Variants in ERMP1 observed in about 807,000 individuals in gnomAD.
ERMP1 encodes Felix-ina.
In ERMP1, 86 loss-of-function variants were observed where a neutral mutation model predicts 92.0. That is an observed-to-expected ratio of 0.93 (90% CI 0.79 to 1.12). ERMP1 has a LOEUF of 1.12. Ranked by LOEUF, ERMP1 falls within the 50% of genes most tolerant of loss-of-function variation. ERMP1 has a pLI of 0.00. For missense variants in ERMP1, 1,342 were observed against 1,116.3 expected (o/e 1.20, Z -2.88); for synonymous variants, 530 against 412.8 (o/e 1.28, Z -3.44).
intron 10 of ERMP1, among the ~76,000 whole-genome samples, chr9:5,802,029 A>C (rs778844158): frequency 7.9e-5 from 12 of 152,232 alleles, no homozygotes; most frequent in Non-Finnish European, 1.8e-4. Context: ...GTATGTCCAC[A>C]GATCCCTTAC....
intron 4 of ERMP1, among the ~76,000 whole-genome samples, chr9:5,822,200 C>A (rs1361378522): frequency 6.6e-6 from 1 of 151,620 alleles, no homozygotes. Context: ...TGCAGTGAGC[C>A]GAGATCATAC....
At chr9:5,809,060 C>T (rs921272886) in intron 8 of ERMP1, among the ~76,000 whole-genome samples, 47 of 152,150 alleles carry the variant, frequency 3.1e-4, no homozygotes, top group Admixed American at 4.6e-4. Flanking sequence ...ATCTCGCTGT[C>T]GCCCCAGCTG....
rs771720164 is a variant in ERMP1 at position 5,786,783 on chromosome 9, T to C, written c.*361A>G. On this transcript the variant is annotated 3_prime_UTR_variant, in exon 15 of 15. Transcript: ENST00000339450. ...TTTGGGGCTTAAATTGGAAACAACT[T>C]TTGTCTCATTAACAATGCTCTGACA... 5 of 168,960 alleles carry C rather than the reference T, an allele frequency of 3.0e-5. No homozygotes were observed. Among genetic ancestry groups the C allele is most frequent in the Admixed American group, 1.7e-4 (3 of 17,694 alleles). The allele number at this position is 168,960 out of a possible 1,614,324, so 10.5% of individuals were successfully genotyped here.
At position 5,785,203 on chromosome 9, in the gene ERMP1, C is replaced by A. The variant is rs1420610162; in HGVS notation, c.*1941G>T. 6.6e-6 allele frequency: 1 copy of A among 151,962 alleles called. No individual in the cohort carries two copies. The highest frequency in any genetic ancestry group is 1.5e-5 in the Non-Finnish European group (1 of 67,992). The allele number at this position is 151,962 out of a possible 1,614,324, so 9.4% of individuals were successfully genotyped here. A position where few individuals can be genotyped will look rare whatever the true frequency, so the allele number is the denominator to read the frequency against. On this transcript the variant is annotated 3_prime_UTR_variant, in exon 15 of 15. Coordinates refer to ENST00000339450, the MANE Select transcript of ERMP1 (RefSeq NM_024896.3). ...TTTACACAGGGAAATAACCCTAAGG[C>A]AATATGAAAACAGTCATAATTTATT...
At chr9:5,851,930 T>A (rs1051616335) in intron 6 of ERMP1, among the ~76,000 whole-genome samples, 4 of 152,228 alleles carry the variant, frequency 2.6e-5, no homozygotes, top group African/African-American at 9.6e-5. Flanking sequence ...CAAGTCATTT[T>A]TTCTGCCATT....
intron 13 of ERMP1, among the ~76,000 whole-genome samples, chr9:5,789,429 A>C (rs1020368881): frequency 2.0e-5 from 3 of 152,246 alleles, no homozygotes; most frequent in African/African-American, 4.8e-5. Flanking sequence ...TCCTTCAACT[A>C]TCAGGATTAC....
intron 4 of ERMP1, among the ~76,000 whole-genome samples, chr9:5,819,030 T>G (rs1000717913): frequency 6.6e-6 from 1 of 152,344 alleles, no homozygotes; most frequent in South Asian, 2.1e-4. Flanking sequence ...TAAAAAGCTA[T>G]GCATAAATTT....
At chr9:5,796,189 T>A (rs570208513) in intron 13 of ERMP1, among the ~76,000 whole-genome samples, 2 of 152,354 alleles carry the variant, frequency 1.3e-5, no homozygotes, top group East Asian at 3.9e-4. Flanking sequence ...ACAAGTTATT[T>A]TGTGAATATT....
At chr9:5,809,235 T>A (rs1232416262) in intron 8 of ERMP1, among the ~76,000 whole-genome samples, 2 of 151,942 alleles carry the variant, frequency 1.3e-5, no homozygotes, top group Non-Finnish European at 2.9e-5. Flanking sequence ...TTAGCCAGGA[T>A]GGTCTCGATC....
Position 5,786,673 on chromosome 9 carries a change from G to T in ERMP1, c.*471C>A, listed in dbSNP as rs749659907. 1.8e-4 allele frequency: 28 copies of T among 158,780 alleles called. No individual in the cohort carries two copies. The highest frequency in any genetic ancestry group is 2.1e-4 in the Non-Finnish European group (15 of 71,806). The allele number at this position is 158,780 out of a possible 1,614,324, so 9.8% of individuals were successfully genotyped here. Reference sequence around the variant, plus strand: ...AGCCCTATGGCAATCACTTTCCAGTGACCTACACAGAGTTATATTCTCAAG... The same window carrying T: ...AGCCCTATGGCAATCACTTTCCAGTTACCTACACAGAGTTATATTCTCAAG... On this transcript the variant is annotated 3_prime_UTR_variant, in exon 15 of 15. Coordinates refer to ENST00000339450, the MANE Select transcript of ERMP1 (RefSeq NM_024896.3).
intron 6 of ERMP1, among the ~76,000 whole-genome samples, chr9:5,851,586 C>A (rs1429245721): frequency 6.6e-6 from 1 of 152,162 alleles, no homozygotes; most frequent in East Asian, 1.9e-4. Flanking sequence ...AAGAGTCAAC[C>A]TGCTTATTAT....
intron 10 of ERMP1, among the ~76,000 whole-genome samples, chr9:5,803,491 T>C (rs1255536642): frequency 1.3e-5 from 2 of 152,150 alleles, no homozygotes; most frequent in Non-Finnish European, 2.9e-5. Context: ...TTGCCCCCTT[T>C]CATATTATCA....
chr9:5,825,059 T>A lies in ERMP1; in HGVS notation c.768+33A>T, dbSNP rs763420816. The A allele has an allele frequency of 2.5e-6, 4 of 1,605,480 alleles. No individual in the cohort carries two copies. The South Asian group carries it at 4.4e-5, about 18-fold the overall frequency. ...CTATTATTATTAATCTCATCCTTATTCAAGCCTGATATTTAAAACAGTAAA... is the reference window on the plus strand; with the variant it reads ...CTATTATTATTAATCTCATCCTTATACAAGCCTGATATTTAAAACAGTAAA... On this transcript the variant is annotated intron_variant, in intron 3 of 14. Transcript: ENST00000339450.
intron 6 of ERMP1, among the ~76,000 whole-genome samples, chr9:5,850,431 A>G (rs1457564629): frequency 7.3e-6 from 1 of 136,466 alleles, no homozygotes; most frequent in Non-Finnish European, 1.6e-5. Context: ...AAAAAAAAAG[A>G]AGAAGAAGAA....
intron 4 of ERMP1, among the ~76,000 whole-genome samples, chr9:5,816,609 G>A (rs368683421): frequency 9.2e-5 from 14 of 152,232 alleles, no homozygotes; most frequent in African/African-American, 2.4e-4. Context: ...ATGACCCAGC[G>A]ATTCCACTCA....
At chr9:5,855,438 T>C (rs1478890436) in intron 6 of ERMP1, among the ~76,000 whole-genome samples, 2 of 152,200 alleles carry the variant, frequency 1.3e-5, no homozygotes, top group Non-Finnish European at 2.9e-5. Context: ...CAACAGCCTT[T>C]GAGGGGATGA....
intron 13 of ERMP1, among the ~76,000 whole-genome samples, chr9:5,795,424 T>C (rs762680518): frequency 1.4e-4 from 21 of 152,266 alleles, no homozygotes; most frequent in Admixed American, 7.2e-4. Flanking sequence ...ATAAAAATTA[T>C]AGATATTAGG....
intron 6 of ERMP1, among the ~76,000 whole-genome samples, chr9:5,854,534 T>A (rs1001660610): frequency 6.6e-5 from 10 of 152,118 alleles, no homozygotes; most frequent in African/African-American, 2.4e-4. Context: ...TTCCATATGG[T>A]CTTATACTTT....
chr9:5,790,978 A>C (rs777708728), intron 13 of ERMP1, among the ~76,000 whole-genome samples: 4 of 152,170 alleles, frequency 2.6e-5, no homozygotes, highest in Non-Finnish European at 4.4e-5. Flanking sequence ...ATTGTATGTA[A>C]ATTAGGCCTT....
Sources: allele counts gnomAD v4.1 joint callset (sites outside exome capture counted in the v4.1 genomes callset), GRCh38; gene constraint gnomAD v4.1.1; transcripts MANE v1.5; gene names NCBI Gene and HGNC (gene_info 2026-07-23, HGNC 2026-07-21).